The following LPP variants were observed in gnomAD, a reference collection of about 807,000 sequenced individuals.
LPP encodes LIM domain containing preferred translocation partner in lipoma.
In LPP, 38 loss-of-function variants were observed where a neutral mutation model predicts 60.4. That is an observed-to-expected ratio of 0.63 (90% confidence interval 0.49 to 0.83). The LOEUF (loss-of-function observed/expected upper bound fraction) is 0.83, where lower values mean the gene tolerates loss of function less well. Ranked by LOEUF, LPP falls within the 40% of genes least tolerant of loss-of-function variation. The pLI, the probability that LPP is intolerant of heterozygous loss-of-function variation, is 0.00. For synonymous variants in LPP, 328 were observed against 290.8 expected (o/e 1.13, Z -1.30); for missense variants, 902 against 783.6 (o/e 1.15, Z -1.80).
At chr3:188,823,949 A>C (rs557625699) in intron 9 of LPP, among the ~76,000 whole-genome samples, 2 of 152,274 alleles carry the variant, frequency 1.3e-5, no homozygotes, top group African/African-American at 4.8e-5. Flanking sequence ...TCTTAAGTAT[A>C]TTCCACTACC....
intron 2 of LPP, among the ~76,000 whole-genome samples, chr3:188,298,308 C>G (rs1236442232): frequency 6.6e-6 from 1 of 152,164 alleles, no homozygotes; most frequent in Non-Finnish European, 1.5e-5. Context: ...TTATCCTGGT[C>G]ACTCTCTGGG....
intron 4 of LPP, among the ~76,000 whole-genome samples, chr3:188,453,082 C>T (rs1219060656): frequency 6.6e-6 from 1 of 152,090 alleles, no homozygotes; most frequent in African/African-American, 2.4e-5. Flanking sequence ...TTATCTCTTG[C>T]TCTTCCTCTT....
chr3:188,240,723 T>G (rs2149456661), intron 2 of LPP, among the ~76,000 whole-genome samples: 1 of 152,194 alleles, frequency 6.6e-6, no homozygotes. Flanking sequence ...TTGGGATTCT[T>G]CCCTCAGACA....
At chr3:188,755,788 C>A (rs1729946764) in intron 8 of LPP, among the ~76,000 whole-genome samples, 3 of 80,750 alleles carry the variant, frequency 3.7e-5, no homozygotes, top group African/African-American at 1.5e-4. Context: ...CCAGCCTGGG[C>A]AACAGAGTGA....
intron 9 of LPP, among the ~76,000 whole-genome samples, chr3:188,817,531 G>A (rs969301429): frequency 3.3e-5 from 5 of 152,280 alleles, no homozygotes; most frequent in African/African-American, 9.6e-5. Flanking sequence ...CGTATGCCAT[G>A]TTTTCTATCC....
intron 9 of LPP, among the ~76,000 whole-genome samples, chr3:188,765,579 G>A (rs1733768719): frequency 6.6e-6 from 1 of 152,098 alleles, no homozygotes; most frequent in Non-Finnish European, 1.5e-5. Context: ...GAGATTATTA[G>A]TCTCATTTTA....
intron 9 of LPP, among the ~76,000 whole-genome samples, chr3:188,776,476 T>G (rs1156543582): frequency 1.5e-5 from 2 of 137,248 alleles, no homozygotes; most frequent in African/African-American, 5.1e-5. Flanking sequence ...AATTTGGGGC[T>G]GGGAGAGGTA....
chr3:188,174,374 G>T (rs757760551), intron 1 of LPP, among the ~76,000 whole-genome samples: 4 of 152,220 alleles, frequency 2.6e-5, no homozygotes, highest in Non-Finnish European at 5.9e-5. Context: ...GGCAGTATGT[G>T]TTTTATAAAT....
intron 9 of LPP, among the ~76,000 whole-genome samples, chr3:188,784,115 A>G (rs983100253): frequency 6.6e-6 from 1 of 150,896 alleles, no homozygotes; most frequent in South Asian, 2.1e-4. Flanking sequence ...CCGTCGTATC[A>G]TTCTTATGCT....
rs368624766 is a variant in LPP, at chr3:188,852,331, G to T, written c.1411-13869G>T. Among the ~76,000 whole-genome samples, 5 of 152,226 alleles carry T rather than the reference G, an allele frequency of 3.3e-5. No individual in the cohort carries two copies. The East Asian group carries it at 7.7e-4, about 24-fold the overall frequency. On this transcript the variant is annotated intron_variant, in intron 9 of 11. Coordinates refer to ENST00000617246, the MANE Select transcript of LPP (RefSeq NM_001375462.1). ...GTCTGGAACAACTTGGGGTCTTCAG[G>T]TATCTCCCTCTATCTGCATGTGGTC...
Position 188,878,996 on chromosome 3 carries a change from C to T in LPP, c.*4517C>T. 1 of 228,028 alleles carries T rather than the reference C, an allele frequency of 4.4e-6. No homozygotes were observed. The highest frequency in any genetic ancestry group is 8.7e-6 in the Non-Finnish European group (1 of 114,892). The allele number at this position is 228,028 out of a possible 1,614,324, so 14.1% of individuals were successfully genotyped here. ...AGACTTCAACTTGATTCTTTACCAC[C>T]ATTCAGCATATTTTTTAATTGTCTT... On this transcript the variant is annotated 3_prime_UTR_variant, in exon 12 of 12. Coordinates refer to ENST00000617246, the MANE Select transcript of LPP (RefSeq NM_001375462.1).
At chr3:188,618,365 AT>A (rs1286510704) in intron 7 of LPP, among the ~76,000 whole-genome samples, 1 of 152,198 alleles carries the variant, frequency 6.6e-6, no homozygotes, top group African/African-American at 2.4e-5. Flanking sequence ...TTCTTTTTCA[AT>A]CACTTATAAA....
chr3:188,676,982 G>A (rs141619467), intron 7 of LPP, among the ~76,000 whole-genome samples: 1,918 of 152,114 alleles, frequency 0.013, 24 homozygotes, highest in Middle Eastern at 0.048. Context: ...GGTCCATGTG[G>A]TAAAGAGTGA....
At chr3:188,751,806 C>T (rs1279108799) in intron 8 of LPP, among the ~76,000 whole-genome samples, 1 of 152,120 alleles carries the variant, frequency 6.6e-6, no homozygotes, top group African/African-American at 2.4e-5. Context: ...CAATTAAATA[C>T]TTAACACCTG....
rs543295048 is a variant in LPP at position 188,235,785 on chromosome 3, A to G, written c.-67+10258A>G. Among the ~76,000 whole-genome samples, 28 of 152,224 alleles carry G rather than the reference A, an allele frequency of 1.8e-4. 1 individual carries two copies. The South Asian group carries it at 5.8e-3, about 32-fold the overall frequency. On this transcript the variant is annotated intron_variant, in intron 2 of 11. Transcript: ENST00000617246. ...CTTCTTTAGGCCTCCTCCAACCACC[A>G]TCCCCTATTGTCAATGATTGGCTGT... is the stretch of plus-strand genomic sequence containing the variant.
intron 9 of LPP, among the ~76,000 whole-genome samples, chr3:188,792,434 G>A (rs981556510): frequency 1.3e-5 from 2 of 152,098 alleles, no homozygotes; most frequent in African/African-American, 2.4e-5. Context: ...CCGGTGAGAA[G>A]CAACAATCCA....
chr3:188,331,396 CT>C (rs1379140351), intron 2 of LPP, among the ~76,000 whole-genome samples: 2 of 152,164 alleles, frequency 1.3e-5, no homozygotes, highest in Admixed American at 6.5e-5. Flanking sequence ...TTTTGCAGCT[CT>C]TTGCAAGGCA....
chr3:188,592,973 A>G (rs1188544758), intron 6 of LPP, among the ~76,000 whole-genome samples: 1 of 151,886 alleles, frequency 6.6e-6, no homozygotes, highest in Non-Finnish European at 1.5e-5. Context: ...ACAAAGTTGA[A>G]CTCTCCTCTT....
intron 2 of LPP, among the ~76,000 whole-genome samples, chr3:188,271,225 A>G (rs950314008): frequency 6.6e-6 from 1 of 152,244 alleles, no homozygotes; most frequent in Non-Finnish European, 1.5e-5. Context: ...GTAGAGAAGA[A>G]TGCATTTCCT....
Sources: gnomAD v4.1 joint callset for allele counts (sites outside exome capture counted in the v4.1 genomes callset) on GRCh38, gnomAD v4.1.1 for gene constraint, MANE v1.5 for transcripts, NCBI Gene and HGNC (gene_info 2026-07-23, HGNC 2026-07-21) for gene names.